EPHB2: variants seen among roughly 807,000 people sequenced by gnomAD.
The protein encoded by EPHB2 is ephrin type-B receptor 2.
In EPHB2, 18 loss-of-function variants were observed where a neutral mutation model predicts 96.4. The observed-to-expected ratio is 0.19, with a 90% confidence interval of 0.13 to 0.28. The LOEUF (loss-of-function observed/expected upper bound fraction) is 0.28, where lower values mean the gene tolerates loss of function less well. Among genes scored for constraint, EPHB2 ranks in the 10% least tolerant of loss-of-function variants. EPHB2 has a pLI of 1.00. For missense variants in EPHB2, 989 were observed against 1,355.4 expected (o/e 0.73, Z 4.25); for synonymous variants, 506 against 534.1 (o/e 0.95, Z 0.72).
At chr1:22,829,984 CAGGCTA>C (rs1424207787) in intron 3 of EPHB2, among the ~76,000 whole-genome samples, 1 of 152,112 alleles carries the variant, frequency 6.6e-6, no homozygotes, top group African/African-American at 2.4e-5. Context: ...TTTTGAGTGC[CAGGCTA>C]AGGAGGTCAG....
chr1:22,848,308 A>C (rs1645573527), intron 3 of EPHB2, among the ~76,000 whole-genome samples: 1 of 152,150 alleles, frequency 6.6e-6, no homozygotes, highest in South Asian at 2.1e-4. Flanking sequence ...GAGAGAATTC[A>C]TACCTGGGAC....
chr1:22,793,804 A>C (rs1644730650), intron 3 of EPHB2, among the ~76,000 whole-genome samples: 1 of 152,158 alleles, frequency 6.6e-6, no homozygotes, highest in African/African-American at 2.4e-5. Flanking sequence ...ACAAATGATG[A>C]GACTGAGGCC....
At chr1:22,793,655 G>C (rs956448475) in intron 3 of EPHB2, among the ~76,000 whole-genome samples, 3 of 152,208 alleles carry the variant, frequency 2.0e-5, no homozygotes, top group African/African-American at 7.2e-5. Flanking sequence ...GCCCTCGCAG[G>C]CTGAGGGTAG....
rs747689340 is a variant in EPHB2, at chr1:22,863,018, T to G, written c.812-19T>G. On this transcript the variant is annotated intron_variant, in intron 3 of 15. Coordinates refer to ENST00000374630, the MANE Select transcript of EPHB2 (RefSeq NM_017449.5). The stretch of plus-strand genomic sequence containing the variant: ...TCTTCATCCAGTTTCCTGGTGACTC[T>G]CCTTGTCTTCTCTCTCAGGTTGTCC... 5.6e-6 allele frequency: 9 copies of G among 1,614,066 alleles called. No individual in the cohort carries two copies. The highest frequency in any genetic ancestry group is 1.7e-5 in the Admixed American group (1 of 60,012).
chr1:22,879,122 G>A (rs1255230138), intron 5 of EPHB2, among the ~76,000 whole-genome samples: 1 of 152,116 alleles, frequency 6.6e-6, no homozygotes, highest in Non-Finnish European at 1.5e-5. Context: ...GGCAGGGGTG[G>A]GAGGCATCTC....
intron 3 of EPHB2, among the ~76,000 whole-genome samples, chr1:22,822,913 C>T (rs1416160831): frequency 2.0e-5 from 3 of 152,252 alleles, no homozygotes; most frequent in African/African-American, 7.2e-5. Flanking sequence ...ATGTAGTTCC[C>T]TCTGCGTGGC....
intron 3 of EPHB2, among the ~76,000 whole-genome samples, chr1:22,798,523 T>C (rs1281845020): frequency 2.0e-5 from 3 of 152,090 alleles, no homozygotes; most frequent in African/African-American, 7.2e-5. Context: ...TGCCCTGGCA[T>C]GACCATGTTC....
chr1:22,796,389 T>C (rs1408182179), intron 3 of EPHB2, among the ~76,000 whole-genome samples: 2 of 152,210 alleles, frequency 1.3e-5, no homozygotes. Flanking sequence ...TCTCTTCCCA[T>C]GGGACCTGGT....
intron 5 of EPHB2, 113 bp downstream of exon 5, chr1:22,865,325 A>G: frequency 2.3e-6 from 3 of 1,293,294 alleles, no homozygotes. Flanking sequence ...CTTCTTTTCA[A>G]AGGCTTTTCA....
intron 6 of EPHB2, chr1:22,891,338 C>A: frequency 2.7e-6 from 1 of 364,754 alleles, no homozygotes; most frequent in Non-Finnish European, 5.4e-6. Context: ...GTGTGACTGG[C>A]ATGTACAACT....
intron 3 of EPHB2, among the ~76,000 whole-genome samples, chr1:22,803,899 G>A (rs987748236): frequency 7.5e-6 from 1 of 132,574 alleles, no homozygotes; most frequent in African/African-American, 2.7e-5. Flanking sequence ...GGGCAACAGA[G>A]TGAGACCCTG....
At chr1:22,867,659 G>T (rs752830479) in intron 5 of EPHB2, among the ~76,000 whole-genome samples, 8 of 152,130 alleles carry the variant, frequency 5.3e-5, no homozygotes, top group Non-Finnish European at 1.0e-4. Context: ...ATCACATGAG[G>T]TTAGGAGTTC....
intron 3 of EPHB2, among the ~76,000 whole-genome samples, chr1:22,818,703 C>T (rs1645107824): frequency 6.6e-6 from 1 of 151,948 alleles, no homozygotes; most frequent in Admixed American, 6.6e-5. Context: ...CCTAGAATTC[C>T]CCTCTTTCTC....
At position 22,888,297 on chromosome 1, in the gene EPHB2, T is replaced by C. The variant is rs188507525; in HGVS notation, c.1429-4587T>C. 3.0e-3 allele frequency among the ~76,000 whole-genome samples: 462 copies of C among 152,318 alleles called. 5 individuals carry two copies. The highest frequency in any genetic ancestry group is 0.01 in the African/African-American group (426 of 41,582). On this transcript the variant is annotated intron_variant, in intron 6 of 15. Transcript: ENST00000374630. ...ACCTCAGGTGATCCAGCCCTCGGCC[T>C]CACAAAGTGCTGGGATTACAGGCAT... is the stretch of plus-strand genomic sequence containing the variant.
chr1:22,876,847 C>T (rs919369611), intron 5 of EPHB2, among the ~76,000 whole-genome samples: 1 of 152,220 alleles, frequency 6.6e-6, no homozygotes, highest in Non-Finnish European at 1.5e-5. Flanking sequence ...GATCATCTTC[C>T]TGGCAAATGC....
chr1:22,763,625 C>T (rs1030294373), intron 1 of EPHB2, among the ~76,000 whole-genome samples: 3 of 152,154 alleles, frequency 2.0e-5, no homozygotes, highest in South Asian at 4.1e-4. Flanking sequence ...CCAGCCATCA[C>T]GGGGTGTGAG....
intron 1 of EPHB2, among the ~76,000 whole-genome samples, chr1:22,718,880 T>C (rs1238527803): frequency 6.6e-6 from 1 of 152,102 alleles, no homozygotes; most frequent in Admixed American, 6.6e-5. Flanking sequence ...CCAAGTCTGG[T>C]GACTCCAGAG....
chr1:22,906,220 G>A lies in EPHB2; in HGVS notation c.1888+111G>A. 2.0e-6 allele frequency: 3 copies of A among 1,529,084 alleles called. No individual in the cohort carries two copies. Among genetic ancestry groups the A allele is most frequent in the Non-Finnish European group, 2.7e-6 (3 of 1,121,302 alleles). The allele number at this position is 1,529,084 out of a possible 1,614,324, so 94.7% of individuals were successfully genotyped here. A position where few individuals can be genotyped will look rare whatever the true frequency, so the allele number is the denominator to read the frequency against. Reference sequence around the variant, plus strand: ...AGGATGTGGGACAGGCGCCTCAAAGGACCCCCCAAGGCCTGAAGGTTCAGA... The same window carrying A: ...AGGATGTGGGACAGGCGCCTCAAAGAACCCCCCAAGGCCTGAAGGTTCAGA... On this transcript the variant is annotated intron_variant, in intron 10 of 15. Transcript: ENST00000374630. This position sits in a 1 kb window ranked among gnomAD's most constrained non-coding sequence, Gnocchi z 4.8.
In EPHB2 at chr1:22,909,123, G is replaced by A. The variant is rs753961966; in HGVS notation, c.2454G>A (p.Glu818=). Residue 818 remains glutamate (E), a synonymous_variant, in exon 13 of 16, where the codon GAG becomes GAA. Coordinates refer to ENST00000374630, the MANE Select transcript of EPHB2 (RefSeq NM_017449.5). ...DVWSYGIVMW[E]VMSYGERPYW... is the part of the protein sequence containing the mutation. ...GGAGCTACGGCATTGTCATGTGGGA[G>A]GTGATGTCCTATGGGGAGCGGCCCT... The A allele has an allele frequency of 1.9e-6, 3 of 1,614,214 alleles. No individual in the cohort carries two copies. Among genetic ancestry groups the A allele is most frequent in the South Asian group, 2.2e-5 (2 of 91,080 alleles).
Sources: gnomAD v4.1 joint callset for allele counts (sites outside exome capture counted in the v4.1 genomes callset) on GRCh38, gnomAD v4.1.1 for gene constraint, Gnocchi (gnomAD v3.1) non-coding constraint, MANE v1.5 for transcripts, NCBI Gene and HGNC (gene_info 2026-07-23, HGNC 2026-07-21) for gene names.